HECTD4: variants seen among roughly 807,000 people sequenced by gnomAD.
HECTD4 encodes the protein HECT domain E3 ubiquitin protein ligase 4.
In HECTD4, 114 loss-of-function variants were observed where a neutral mutation model predicts 471.5. The ratio of observed to expected loss-of-function variants is 0.24; its 90% CI spans 0.21 to 0.28. The LOEUF is 0.28. Ranked by LOEUF, HECTD4 falls within the 10% of genes least tolerant of loss-of-function variation. The pLI is 1.00. For missense variants in HECTD4, 3,866 were observed against 5,651.5 expected (o/e 0.68, Z 10.13); for synonymous variants, 2,012 against 2,256.0 (o/e 0.89, Z 3.07).
intron 9 of HECTD4, among the ~76,000 whole-genome samples, chr12:112,278,197 G>A (rs1042794040): frequency 6.6e-6 from 1 of 152,122 alleles, no homozygotes; most frequent in Non-Finnish European, 1.5e-5. Context: ...GATGCCAGGG[G>A]TCAGGGAGTA....
At chr12:112,258,247 C>G in intron 20 of HECTD4, 1 of 312,460 alleles carries the variant, frequency 3.2e-6, no homozygotes, top group Non-Finnish European at 5.8e-6. Flanking sequence ...ATTTTACATC[C>G]CCACTATTAG....
At chr12:112,291,454 G>T (rs1017580698) in intron 7 of HECTD4, among the ~76,000 whole-genome samples, 4 of 151,982 alleles carry the variant, frequency 2.6e-5, no homozygotes, top group African/African-American at 9.7e-5. Flanking sequence ...ACTTTTTACA[G>T]GCCAGGTGCA....
At chr12:112,205,495 G>T (rs916712424) in intron 52 of HECTD4, among the ~76,000 whole-genome samples, 6 of 152,102 alleles carry the variant, frequency 3.9e-5, no homozygotes, top group Admixed American at 2.6e-4. Context: ...ACTAAAAATG[G>T]TCCATTATTT....
chr12:112,309,850 A>G (rs953638019), intron 4 of HECTD4, among the ~76,000 whole-genome samples, 181 bp from the exon 5 acceptor site: 7 of 152,154 alleles, frequency 4.6e-5, no homozygotes, highest in Admixed American at 1.3e-4. Context: ...CAAACATCCA[A>G]AATGCATGTG....
intron 71 of HECTD4, 75 bp from the exon 72 acceptor site, chr12:112,167,613 AC>A: frequency 8.0e-7 from 1 of 1,256,746 alleles, no homozygotes; most frequent in African/African-American, 1.5e-5. Flanking sequence ...GTTTCAAGCC[AC>A]CATACCCTGT....
chr12:112,381,884 G>A lies in HECTD4; in HGVS notation c.177+68C>T, dbSNP rs1594091758. 1 of 1,110,810 alleles carries A rather than the reference G, an allele frequency of 9.0e-7. No homozygotes were observed. The highest frequency in any genetic ancestry group is 1.1e-6 in the Non-Finnish European group (1 of 881,930). 68.8% of individuals were successfully genotyped at this position (1,110,810 alleles called of 1,614,324 possible). ...GAGGCCGCGGCTGAGGCGAGGAGGGGGCCCGACCCGGGGGTGCCGGGCGAG... is the reference window on the plus strand; with the variant it reads ...GAGGCCGCGGCTGAGGCGAGGAGGGAGCCCGACCCGGGGGTGCCGGGCGAG... On this transcript the variant is annotated intron_variant, in intron 1 of 75. Transcript: ENST00000682272. This position sits in a 1 kb window ranked among gnomAD's most constrained non-coding sequence, Gnocchi z 4.1.
chr12:112,306,305 T>A, intron 6 of HECTD4, 71 bp from the exon 7 acceptor site: 1 of 1,209,016 alleles, frequency 8.3e-7, no homozygotes, highest in African/African-American at 1.5e-5. Flanking sequence ...CAGCTCATCA[T>A]TAATGCCATT....
intron 1 of HECTD4, among the ~76,000 whole-genome samples, chr12:112,343,352 G>T (rs982755557): frequency 6.6e-5 from 10 of 152,144 alleles, no homozygotes; most frequent in Non-Finnish European, 1.2e-4. Flanking sequence ...TAAACAGCAG[G>T]TTCCAAATGC....
At chr12:112,320,650 G>A (rs1227826189) in intron 1 of HECTD4, among the ~76,000 whole-genome samples, 1 of 151,644 alleles carries the variant, frequency 6.6e-6, no homozygotes, top group Admixed American at 6.6e-5. Context: ...GCAGTGAGCC[G>A]AGATCGCACC....
intron 54 of HECTD4, 143 bp downstream of exon 54, chr12:112,203,493 A>T: frequency 1.6e-6 from 1 of 638,646 alleles, no homozygotes; most frequent in Non-Finnish European, 2.6e-6. Context: ...AATTGGCATT[A>T]GAGCATTTTT....
rs931671392 is a variant in HECTD4, at chr12:112,379,719, A to T, written c.177+2233T>A. ...AAAATAAAAAATAAAAAGATTTTTT[A>T]TATATATATATATATATGTGAATAC... is the stretch of plus-strand genomic sequence containing the variant. On this transcript the variant is annotated intron_variant, in intron 1 of 75. Coordinates refer to ENST00000682272, the MANE Select transcript of HECTD4 (RefSeq NM_001388303.1). 4.7e-5 allele frequency among the ~76,000 whole-genome samples: 7 copies of T among 149,200 alleles called. No homozygotes were observed. In the South Asian group the frequency reaches 6.3e-4, roughly 13 times the overall value.
At chr12:112,375,430 G>A (rs191403354) in intron 1 of HECTD4, among the ~76,000 whole-genome samples, 196 of 152,300 alleles carry the variant, frequency 1.3e-3, no homozygotes, top group Middle Eastern at 0.01. Flanking sequence ...TGAAATATGA[G>A]AAGCACTAAC....
intron 50 of HECTD4, 116 bp from the exon 51 acceptor site, chr12:112,208,746 G>T: frequency 1.3e-6 from 1 of 763,762 alleles, no homozygotes; most frequent in Non-Finnish European, 1.9e-6. Context: ...AAGACTCCTA[G>T]TACACTGAGG....
chr12:112,302,173 C>T, intron 7 of HECTD4: 2 of 1,105,180 alleles, frequency 1.8e-6, no homozygotes, highest in Non-Finnish European at 2.7e-6. Context: ...AGAAGACAAC[C>T]AGCTCGATGG....
intron 1 of HECTD4, among the ~76,000 whole-genome samples, chr12:112,373,540 C>T (rs1182676489): frequency 6.6e-6 from 1 of 151,978 alleles, no homozygotes; most frequent in Non-Finnish European, 1.5e-5. Context: ...CAAAACAAAA[C>T]AAAAATAATA....
chr12:112,347,047 A>G (rs1487268679), intron 1 of HECTD4, among the ~76,000 whole-genome samples: 1 of 152,130 alleles, frequency 6.6e-6, no homozygotes, highest in Non-Finnish European at 1.5e-5. Context: ...TGGCCTTCTA[A>G]CTACAGTTTG....
intron 1 of HECTD4, among the ~76,000 whole-genome samples, chr12:112,335,897 G>A (rs1056462424): frequency 1.3e-5 from 2 of 151,994 alleles, no homozygotes; most frequent in African/African-American, 2.4e-5. Flanking sequence ...AATCTCTACC[G>A]ATTTAATAGA....
intron 1 of HECTD4, among the ~76,000 whole-genome samples, chr12:112,370,625 T>C (rs959772870): frequency 1.3e-5 from 2 of 152,184 alleles, no homozygotes; most frequent in Non-Finnish European, 2.9e-5. Flanking sequence ...ACCAAAATTT[T>C]AAAATGGTCT....
At chr12:112,301,257 C>A (rs567107195) in intron 7 of HECTD4, among the ~76,000 whole-genome samples, 5 of 150,786 alleles carry the variant, frequency 3.3e-5, no homozygotes, top group African/African-American at 7.3e-5. Flanking sequence ...ATCTCAGCTC[C>A]GCCTTGGTGG....
Sources: allele counts gnomAD v4.1 joint callset (sites outside exome capture counted in the v4.1 genomes callset), GRCh38; gene constraint gnomAD v4.1.1; non-coding constraint Gnocchi (gnomAD v3.1); transcripts MANE v1.5; gene names NCBI Gene and HGNC (gene_info 2026-07-23, HGNC 2026-07-21).